DNAH3: variants seen among roughly 807,000 people sequenced by gnomAD.
DNAH3 encodes axonemal beta dynein heavy chain 3.
DNAH3 carries 332 observed loss-of-function variants against 432.5 expected under a neutral mutation model. The ratio of observed to expected loss-of-function variants is 0.77; its 90% CI spans 0.70 to 0.84. The LOEUF (loss-of-function observed/expected upper bound fraction) is 0.84, where lower values mean the gene tolerates loss of function less well. DNAH3 is among the 40% of genes least tolerant of loss of function. The probability of loss-of-function intolerance (pLI) is 0.00; values close to 1 mark genes in which losing one functional copy is unlikely to be tolerated. For missense variants in DNAH3, 4,861 were observed against 5,114.0 expected (o/e 0.95, Z 1.51); for synonymous variants, 1,956 against 1,900.2 (o/e 1.03, Z -0.76).
chr16:20,953,351 G>A (rs527318743), intron 55 of DNAH3, among the ~76,000 whole-genome samples: 1 of 152,146 alleles, frequency 6.6e-6, no homozygotes, highest in East Asian at 1.9e-4. Flanking sequence ...TAGAGACGGG[G>A]ATTCGCCATG....
intron 41 of DNAH3, among the ~76,000 whole-genome samples, chr16:21,003,904 A>G (rs1293964789): frequency 6.6e-6 from 1 of 152,198 alleles, no homozygotes. Context: ...AGACACACAA[A>G]CATACTGAAG....
At chr16:20,959,229 C>T in exon 54 of DNAH3, 1 of 1,614,214 alleles carries the variant, frequency 6.2e-7, no homozygotes. Flanking sequence ...CACAAATCTT[C>T]TCCAGGGTAG....
At chr16:21,146,137 G>T in intron 1 of DNAH3, 49 bp from the exon 3 acceptor site, 1 of 1,353,818 alleles carries the variant, frequency 7.4e-7, no homozygotes, top group Non-Finnish European at 1.1e-6. Context: ...GGGAAGATTT[G>T]CAAGCCTCTG....
At position 21,086,657 on chromosome 16, in the gene DNAH3, G is replaced by C. The variant is rs187911800; in HGVS notation, c.2877+192C>G. Among the ~76,000 whole-genome samples the C allele has an allele frequency of 3.3e-5, 5 of 152,322 alleles. No homozygotes were observed. In the East Asian group the frequency reaches 9.6e-4, roughly 29 times the overall value. On this transcript the variant is annotated intron_variant, in intron 19 of 61. Coordinates refer to ENST00000261383, the Ensembl canonical transcript of DNAH3. ...GGGGTTCCAAGGAAAGGGCCAACCT[G>C]TCCAGGGGGCAGGGAGTTCATTCTC...
rs185034630 is a variant in DNAH3, at chr16:21,030,481, C to T, written c.5439+564G>A. On this transcript the variant is annotated intron_variant, in intron 37 of 61. Coordinates refer to ENST00000261383, the Ensembl canonical transcript of DNAH3. ...TTGAGTGAAGACGCCATCTTGAATGCGGATTTTCTAGCCTGAGCTGCCCCA... is the reference window on the plus strand; with the variant it reads ...TTGAGTGAAGACGCCATCTTGAATGTGGATTTTCTAGCCTGAGCTGCCCCA... Among the ~76,000 whole-genome samples, 53 of 152,224 alleles carry T rather than the reference C, an allele frequency of 3.5e-4. No individual in the cohort carries two copies. In the East Asian group the frequency reaches 7.7e-3, roughly 22 times the overall value.
At chr16:21,116,333 T>C (rs546828106) in intron 12 of DNAH3, among the ~76,000 whole-genome samples, 6 of 152,136 alleles carry the variant, frequency 3.9e-5, no homozygotes, top group South Asian at 4.2e-4. Context: ...GGGAGGTAAT[T>C]TAATCATGAG....
At chr16:21,070,951 C>G in intron 21 of DNAH3, 125 bp from the exon 22 acceptor site, 1 of 617,070 alleles carries the variant, frequency 1.6e-6, no homozygotes, top group South Asian at 1.9e-5. Flanking sequence ...ATGGCTCAAT[C>G]CTAGCTCACT....
In DNAH3 at chr16:21,104,468, T is replaced by C. The variant is rs766057777; in HGVS notation, c.2366+3A>G. The C allele has an allele frequency of 2.5e-6, 4 of 1,613,384 alleles. No homozygotes were observed. The highest frequency in any genetic ancestry group is 1.1e-5 in the South Asian group (1 of 91,052). On this transcript the variant is annotated splice_donor_region_variant and intron_variant, in intron 16 of 61. Coordinates refer to ENST00000261383, the Ensembl canonical transcript of DNAH3. ...CCAAGACAATCCCAGACTCTCCCGG[T>C]ACCTTTTAATCAGATCCATTTCTGC...
intron 41 of DNAH3, among the ~76,000 whole-genome samples, chr16:21,014,967 G>C (rs1037285973): frequency 1.1e-4 from 17 of 152,142 alleles, no homozygotes; most frequent in African/African-American, 4.1e-4. Context: ...GATAATCCAT[G>C]TTTATGAATA....
chr16:20,962,770 G>A (rs1218805017), intron 53 of DNAH3, among the ~76,000 whole-genome samples: 2 of 152,092 alleles, frequency 1.3e-5, no homozygotes, highest in Non-Finnish European at 2.9e-5. Context: ...GGATCCTCCT[G>A]CCTCAGCCTC....
intron 41 of DNAH3, among the ~76,000 whole-genome samples, chr16:21,017,875 A>G (rs2545886): frequency 0.15 from 23,183 of 152,068 alleles, 2,282 homozygotes; most frequent in African/African-American, 0.27. Context: ...TCAAACATAC[A>G]GAAACATGGA....
chr16:20,936,141 G>A (rs2083580310), intron 60 of DNAH3, among the ~76,000 whole-genome samples: 1 of 150,326 alleles, frequency 6.7e-6, no homozygotes, highest in Admixed American at 6.6e-5. Flanking sequence ...TATCTCATGA[G>A]CCACCAGTTT....
intron 5 of DNAH3, 40 bp downstream of exon 6, chr16:21,140,496 C>A (rs768269779): frequency 6.3e-7 from 1 of 1,597,608 alleles, no homozygotes; most frequent in Non-Finnish European, 8.6e-7. Context: ...CCGAGAGTAA[C>A]CCTCAGCAAA....
intron 31 of DNAH3, among the ~76,000 whole-genome samples, chr16:21,046,833 T>C (rs1386639437): frequency 6.6e-6 from 1 of 152,206 alleles, no homozygotes; most frequent in Non-Finnish European, 1.5e-5. Flanking sequence ...CTTTCCATGT[T>C]TAGTGCTTCC....
At chr16:21,032,182 G>A (rs2088915190) in intron 36 of DNAH3, among the ~76,000 whole-genome samples, 1 of 152,162 alleles carries the variant, frequency 6.6e-6, no homozygotes, top group African/African-American at 2.4e-5. Context: ...CAAACAGGCT[G>A]AAGGAAGAAA....
intron 54 of DNAH3, among the ~76,000 whole-genome samples, chr16:20,956,447 T>C (rs1164775628): frequency 6.6e-6 from 1 of 152,202 alleles, no homozygotes; most frequent in Admixed American, 6.5e-5. Flanking sequence ...GGATTGTTGC[T>C]GTACTGTGGA....
intron 14 of DNAH3, among the ~76,000 whole-genome samples, chr16:21,110,077 T>C (rs1240640511): frequency 6.6e-6 from 1 of 152,206 alleles, no homozygotes; most frequent in African/African-American, 2.4e-5. Context: ...TTTTAGTCTA[T>C]AGTTTAAAGT....
chr16:20,980,896 A>ATCTG (rs2152660167), intron 49 of DNAH3, among the ~76,000 whole-genome samples: 1 of 152,336 alleles, frequency 6.6e-6, no homozygotes, highest in African/African-American at 2.4e-5. Context: ...ACCACATGAT[A>ATCTG]TCTGTCACAG....
intron 56 of DNAH3, 63 bp from the exon 57 acceptor site, chr16:20,948,700 G>T: frequency 6.4e-7 from 1 of 1,563,366 alleles, no homozygotes; most frequent in Non-Finnish European, 8.8e-7. Flanking sequence ...CTTGGTGGTT[G>T]ATGTAAAACA....
Sources: allele counts gnomAD v4.1 joint callset (sites outside exome capture counted in the v4.1 genomes callset), GRCh38; gene constraint gnomAD v4.1.1; transcripts MANE v1.5; gene names NCBI Gene and HGNC (gene_info 2026-07-23, HGNC 2026-07-21).